The following PSPC1 variants were observed in gnomAD, a reference collection of about 807,000 sequenced individuals.
PSPC1 encodes paraspeckle protein 1.
Under a neutral mutation model 51.6 loss-of-function variants are expected in PSPC1, and 14 were observed. That is an observed-to-expected ratio of 0.27 (90% confidence interval 0.18 to 0.42). The LOEUF (loss-of-function observed/expected upper bound fraction) is 0.42, where lower values mean the gene tolerates loss of function less well. Among genes scored for constraint, PSPC1 ranks in the 10% least tolerant of loss-of-function variants. The pLI, the probability that PSPC1 is intolerant of heterozygous loss-of-function variation, is 1.00. For missense variants in PSPC1, 406 were observed against 701.1 expected (o/e 0.58, Z 4.75); for synonymous variants, 193 against 231.9 (o/e 0.83, Z 1.53).
intron 2 of PSPC1, among the ~76,000 whole-genome samples, chr13:19,768,604 C>A (rs557453528): frequency 6.7e-6 from 1 of 150,274 alleles, no homozygotes; most frequent in Non-Finnish European, 1.5e-5. Context: ...GCCGAGATCA[C>A]GCCACTGCAC....
intron 6 of PSPC1, among the ~76,000 whole-genome samples, chr13:19,681,583 G>C (rs1483485777): frequency 6.6e-6 from 1 of 152,174 alleles, no homozygotes; most frequent in Non-Finnish European, 1.5e-5. Context: ...AGGATTTCCT[G>C]TGAGGCAGAC....
intron 2 of PSPC1, among the ~76,000 whole-genome samples, chr13:19,763,608 G>A (rs188209640): frequency 1.3e-5 from 2 of 152,210 alleles, no homozygotes; most frequent in East Asian, 1.9e-4. Context: ...TTTTCTCATC[G>A]GTAAAATGGG....
chr13:19,781,467 G>T (rs1889963175), intron 1 of PSPC1, among the ~76,000 whole-genome samples: 1 of 152,072 alleles, frequency 6.6e-6, no homozygotes, highest in Non-Finnish European at 1.5e-5. Flanking sequence ...ATATTACTCT[G>T]ATACTGGGAT....
At chr13:19,699,848 T>C (rs960466019), downstream of PSPC1, among the ~76,000 whole-genome samples, 5 of 152,024 alleles carry the variant, frequency 3.3e-5, no homozygotes, top group Non-Finnish European at 5.9e-5. Flanking sequence ...ACTTTTTATA[T>C]CACTGCTATC....
chr13:19,699,391 C>T (rs573580747), downstream of PSPC1: 1 of 151,758 alleles, frequency 6.6e-6, no homozygotes, highest in South Asian at 2.1e-4. Flanking sequence ...TAGGAAATGG[C>T]AGACATACTT....
intron 5 of PSPC1, among the ~76,000 whole-genome samples, chr13:19,737,491 T>C (rs1884971390): frequency 1.3e-5 from 2 of 152,236 alleles, no homozygotes; most frequent in Non-Finnish European, 2.9e-5. Context: ...AATAATGTTA[T>C]ATCCCATTCA....
chr13:19,703,647 C>A (rs1472070362), intron 8 of PSPC1, among the ~76,000 whole-genome samples: 3 of 151,858 alleles, frequency 2.0e-5, no homozygotes, highest in Non-Finnish European at 4.4e-5. Flanking sequence ...AATCTTAAGC[C>A]TAAACAATAT....
intron 5 of PSPC1, among the ~76,000 whole-genome samples, chr13:19,736,728 A>G (rs1197416773): frequency 1.3e-5 from 2 of 152,190 alleles, no homozygotes; most frequent in African/African-American, 2.4e-5. Context: ...TGCAACAAGT[A>G]TTCCACATCT....
At chr13:19,729,495 C>G (rs760605061) in intron 6 of PSPC1, among the ~76,000 whole-genome samples, 1 of 150,898 alleles carries the variant, frequency 6.6e-6, no homozygotes, top group Non-Finnish European at 1.5e-5. Context: ...TGAGATTGTG[C>G]CACTGCACTC....
intron 6 of PSPC1, among the ~76,000 whole-genome samples, chr13:19,691,343 A>T (rs1878517902): frequency 6.6e-6 from 1 of 152,106 alleles, no homozygotes; most frequent in African/African-American, 2.4e-5. Context: ...AGCCTGGGCA[A>T]CACAGTGAGA....
At chr13:19,748,266 A>G (rs1015282400) in intron 4 of PSPC1, among the ~76,000 whole-genome samples, 10 of 152,170 alleles carry the variant, frequency 6.6e-5, no homozygotes, top group African/African-American at 2.4e-4. Context: ...CAAATGGGAG[A>G]AAGTTGTAAC....
At chr13:19,684,102 G>A (rs1387728137) in intron 6 of PSPC1, among the ~76,000 whole-genome samples, 1 of 152,154 alleles carries the variant, frequency 6.6e-6, no homozygotes, top group Non-Finnish European at 1.5e-5. Context: ...CGCTCGTTAG[G>A]AAGTGAGACA....
intron 3 of PSPC1, among the ~76,000 whole-genome samples, chr13:19,757,391 G>C (rs1887191762): frequency 6.6e-6 from 1 of 152,144 alleles, no homozygotes; most frequent in South Asian, 2.1e-4. Flanking sequence ...AGCAGGGCGA[G>C]AGTTCCGTGA....
chr13:19,711,639 TAAA>T lies in PSPC1; in HGVS notation c.1159-2043_1159-2041del, dbSNP rs143917566. Among the ~76,000 whole-genome samples the T allele has an allele frequency of 9.3e-4, 75 of 80,930 alleles. No homozygotes were observed. The South Asian group carries it at 0.03, about 32-fold the overall frequency. 53.1% of individuals were successfully genotyped at this position (80,930 alleles called of 152,430 possible). ...GGCAACAAAGAGAGACTCCGTCTCATAAAAAAAAAAAAAAAAAAAAAAGAAACC... is the reference window on the plus strand; with the variant it reads ...GGCAACAAAGAGAGACTCCGTCTCATAAAAAAAAAAAAAAAAAAAGAAACC... On this transcript the variant is annotated intron_variant, in intron 6 of 8. Transcript: ENST00000338910.
intron 1 of PSPC1, among the ~76,000 whole-genome samples, chr13:19,779,775 A>G (rs1889690082): frequency 3.2e-5 from 2 of 62,444 alleles, no homozygotes; most frequent in Non-Finnish European, 6.3e-5. Context: ...CCCGTCTGGG[A>G]GGTGAGGGGC....
At position 19,703,094 on chromosome 13, in the gene PSPC1, A is replaced by C. The variant is rs927158557; in HGVS notation, c.*81T>G. On this transcript the variant is annotated 3_prime_UTR_variant, in exon 9 of 9. Coordinates refer to ENST00000338910, the MANE Select transcript of PSPC1 (RefSeq NM_001354909.2). ...GTCTACATACATTAACAATAAAACC[A>C]TTTCTTCCAGATAACAGGTAAAAGT... The C allele has an allele frequency of 8.2e-7, 1 of 1,223,420 alleles. No homozygotes were observed. Among genetic ancestry groups the C allele is most frequent in the African/African-American group, 1.5e-5 (1 of 66,924 alleles). 75.8% of individuals were successfully genotyped at this position (1,223,420 alleles called of 1,614,324 possible). A position where few individuals can be genotyped will look rare whatever the true frequency, so the allele number is the denominator to read the frequency against.
chr13:19,737,929 AT>A (rs1885018920), intron 5 of PSPC1, among the ~76,000 whole-genome samples: 1 of 152,106 alleles, frequency 6.6e-6, no homozygotes, highest in Non-Finnish European at 1.5e-5. Flanking sequence ...CTATAAAAAA[AT>A]AAAAATTAAA....
chr13:19,717,288 G>A lies in PSPC1; in HGVS notation c.1159-7689C>T, dbSNP rs1305066479. ...TTTTCTAATAAAAGTAAACTGGGCC[G>A]GACATGGTGGCTCACACTTGTAATC... On this transcript the variant is annotated intron_variant, in intron 6 of 8. Transcript: ENST00000338910. 4.7e-5 allele frequency among the ~76,000 whole-genome samples: 7 copies of A among 150,498 alleles called. 1 individual carries two copies. The highest frequency in any genetic ancestry group is 6.9e-3 in the Middle Eastern group (2 of 290).
intron 5 of PSPC1, among the ~76,000 whole-genome samples, chr13:19,740,118 CG>C (rs1885285560): frequency 6.6e-6 from 1 of 151,968 alleles, no homozygotes; most frequent in African/African-American, 2.4e-5. Flanking sequence ...CCGAGGCAGG[CG>C]GATCACCTGA....
Sources: allele counts gnomAD v4.1 joint callset (sites outside exome capture counted in the v4.1 genomes callset), GRCh38; gene constraint gnomAD v4.1.1; transcripts MANE v1.5; gene names NCBI Gene and HGNC (gene_info 2026-07-23, HGNC 2026-07-21).